Variants in PSD3 observed in about 807,000 individuals in gnomAD.
The protein encoded by PSD3 is PH and SEC7 domain-containing protein 3.
Under a neutral mutation model 105.5 loss-of-function variants are expected in PSD3, and 49 were observed. The observed-to-expected ratio is 0.46, with a 90% CI of 0.37 to 0.59. The LOEUF (loss-of-function observed/expected upper bound fraction) is 0.59. Ranked by LOEUF, PSD3 falls within the 20% of genes least tolerant of loss-of-function variation. The pLI is 0.00. For synonymous variants in PSD3, 557 were observed against 457.8 expected, an observed-to-expected ratio of 1.22 and a Z score of -2.77; for missense variants, 1,561 against 1,263.8, an observed-to-expected ratio of 1.24 and a Z score of -3.57.
intron 1 of PSD3, among the ~76,000 whole-genome samples, chr8:19,077,012 T>A (rs1829481383): frequency 6.6e-6 from 1 of 152,214 alleles, no homozygotes; most frequent in Non-Finnish European, 1.5e-5. Context: ...GATTGTTTAT[T>A]ACCGTCTACC....
chr8:18,813,537 T>C (rs1293745673), intron 4 of PSD3, among the ~76,000 whole-genome samples: 1 of 152,328 alleles, frequency 6.6e-6, no homozygotes, highest in East Asian at 1.9e-4. Flanking sequence ...GTGTATTCAT[T>C]TGAATTCTGT....
chr8:18,912,507 C>G (rs1820298645), intron 2 of PSD3, among the ~76,000 whole-genome samples: 1 of 152,090 alleles, frequency 6.6e-6, no homozygotes, highest in African/African-American at 2.4e-5. Context: ...TGAAGGAAAA[C>G]CTAAAAATCT....
chr8:19,058,824 T>A (rs565988473), intron 1 of PSD3, among the ~76,000 whole-genome samples: 12 of 152,254 alleles, frequency 7.9e-5, no homozygotes, highest in Admixed American at 7.8e-4. Flanking sequence ...TGGAGCACCT[T>A]GGAAAGAGGA....
intron 9 of PSD3, among the ~76,000 whole-genome samples, chr8:18,741,497 G>A (rs1244489949): frequency 1.3e-5 from 2 of 152,132 alleles, no homozygotes; most frequent in Non-Finnish European, 2.9e-5. Context: ...TGTGCAGGAA[G>A]AAGAGTTTAA....
intron 1 of PSD3, among the ~76,000 whole-genome samples, chr8:18,988,877 C>T (rs1024430531): frequency 6.6e-6 from 1 of 152,106 alleles, no homozygotes; most frequent in Non-Finnish European, 1.5e-5. Flanking sequence ...GAATAAAAAG[C>T]GTGTGTTTGT....
chr8:18,657,211 A>T (rs916174984), intron 9 of PSD3, among the ~76,000 whole-genome samples: 9 of 152,224 alleles, frequency 5.9e-5, no homozygotes, highest in Non-Finnish European at 1.3e-4. Flanking sequence ...TTCGCCCTTA[A>T]CATTGTCTCA....
intron 1 of PSD3, among the ~76,000 whole-genome samples, chr8:18,952,360 A>T (rs1823293047): frequency 6.8e-6 from 1 of 147,854 alleles, no homozygotes; most frequent in South Asian, 2.1e-4. Context: ...AGACCTAAAA[A>T]CGGACTTGTT....
intron 1 of PSD3, among the ~76,000 whole-genome samples, chr8:19,008,301 C>G (rs931357558): frequency 1.3e-5 from 2 of 152,206 alleles, no homozygotes; most frequent in African/African-American, 4.8e-5. Flanking sequence ...AATATCTTGC[C>G]TCTTCAAACA....
intron 12 of PSD3, among the ~76,000 whole-genome samples, chr8:18,578,961 A>G (rs1213382490): frequency 6.6e-6 from 1 of 152,118 alleles, no homozygotes; most frequent in African/African-American, 2.4e-5. Flanking sequence ...CTGAAGTTGA[A>G]AAATTTTAAG....
At chr8:18,847,391 C>T (rs1380785070) in intron 4 of PSD3, among the ~76,000 whole-genome samples, 3 of 152,174 alleles carry the variant, frequency 2.0e-5, no homozygotes, top group Admixed American at 6.5e-5. Flanking sequence ...AGGAAGACTG[C>T]AAACCAGCCA....
At chr8:18,578,254 C>T (rs1802580971) in intron 12 of PSD3, among the ~76,000 whole-genome samples, 1 of 152,034 alleles carries the variant, frequency 6.6e-6, no homozygotes, top group African/African-American at 2.4e-5. Context: ...TAAAAAGTCC[C>T]ACCCTTATTC....
chr8:18,701,016 G>A (rs998106466), intron 9 of PSD3, among the ~76,000 whole-genome samples: 4 of 152,094 alleles, frequency 2.6e-5, no homozygotes, highest in Non-Finnish European at 5.9e-5. Context: ...ACCCAGGCTG[G>A]AGTGCAGTGT....
chr8:19,027,647 C>G (rs1473371174), intron 1 of PSD3, among the ~76,000 whole-genome samples: 1 of 152,158 alleles, frequency 6.6e-6, no homozygotes, highest in African/African-American at 2.4e-5. Context: ...AGAGTTTTAG[C>G]TCTCCGTAGT....
chr8:18,984,529 G>T (rs868812045), intron 1 of PSD3, among the ~76,000 whole-genome samples: 3 of 152,086 alleles, frequency 2.0e-5, no homozygotes, highest in South Asian at 2.1e-4. Flanking sequence ...ATTTTTTAAA[G>T]AATGCTCTCA....
At chr8:18,588,111 G>A (rs1291242435) in intron 12 of PSD3, among the ~76,000 whole-genome samples, 2 of 152,148 alleles carry the variant, frequency 1.3e-5, no homozygotes, top group African/African-American at 2.4e-5. Flanking sequence ...CCCAAAGAAC[G>A]CTATGATGCA....
At chr8:18,923,364 T>C (rs56016458) in intron 2 of PSD3, among the ~76,000 whole-genome samples, 3,696 of 152,248 alleles carry the variant, frequency 0.024, 77 homozygotes, top group Middle Eastern at 0.048. Flanking sequence ...AGGCATCAGT[T>C]AATTCATTAG....
At chr8:18,577,149 T>C (rs1376684602) in intron 12 of PSD3, among the ~76,000 whole-genome samples, 3 of 151,988 alleles carry the variant, frequency 2.0e-5, no homozygotes, top group Admixed American at 6.6e-5. Flanking sequence ...GTAGTTTTAA[T>C]TTTTTATCTC....
chr8:18,683,957 G>A (rs781369865), intron 9 of PSD3: 3 of 752,290 alleles, frequency 4.0e-6, no homozygotes, highest in Admixed American at 1.7e-5. Context: ...TAAGGAAGGG[G>A]TTTAGAGAAA....
intron 1 of PSD3, among the ~76,000 whole-genome samples, chr8:18,971,413 G>C (rs990060566): frequency 3.3e-5 from 5 of 152,144 alleles, no homozygotes; most frequent in East Asian, 3.9e-4. Flanking sequence ...ACTGTCATGA[G>C]GACAATACCC....
Sources: allele counts gnomAD v4.1 joint callset (sites outside exome capture counted in the v4.1 genomes callset), GRCh38; gene constraint gnomAD v4.1.1; transcripts MANE v1.5; gene names NCBI Gene and HGNC (gene_info 2026-07-23, HGNC 2026-07-21).